ENOX1: variants seen among roughly 807,000 people sequenced by gnomAD.
ENOX1 encodes the protein candidate growth-related and time keeping constitutive hydroquinone (NADH) oxidase.
A neutral mutation model predicts 82.5 loss-of-function variants in ENOX1; 42 were observed. That is an observed-to-expected ratio of 0.51 (90% CI 0.40 to 0.66). ENOX1 has a LOEUF of 0.66. ENOX1 is among the 30% of genes least tolerant of loss of function. ENOX1 has a pLI of 0.00. For synonymous variants in ENOX1, 271 were observed against 282.2 expected (o/e 0.96, Z 0.40); for missense variants, 608 against 811.6 (o/e 0.75, Z 3.05).
chr13:43,501,221 T>C (rs546373212), intron 2 of ENOX1, among the ~76,000 whole-genome samples: 2 of 151,874 alleles, frequency 1.3e-5, no homozygotes, highest in South Asian at 2.1e-4. Flanking sequence ...GTAGCTATTT[T>C]TGAAATATAC....
chr13:43,706,082 T>C (rs143942411), intron 1 of ENOX1, among the ~76,000 whole-genome samples: 198 of 151,988 alleles, frequency 1.3e-3, no homozygotes, highest in African/African-American at 4.1e-3. Flanking sequence ...TAAGTGAAAT[T>C]AGAAAATATT....
intron 3 of ENOX1, among the ~76,000 whole-genome samples, chr13:43,482,633 G>A (rs1186694443): frequency 7.1e-6 from 1 of 140,592 alleles, no homozygotes; most frequent in African/African-American, 2.6e-5. Context: ...TTGTGTGTGT[G>A]TGTTTTAACC....
At position 43,552,706 on chromosome 13, in the gene ENOX1, G is replaced by A. The variant is rs74065523; in HGVS notation, c.-218-68554C>T. Reference sequence around the variant, plus strand: ...TGGTTTTGCCTGGGTCATTAACTGAGGTCCAGGACTGACTACCCAAAAAGA... The same window carrying A: ...TGGTTTTGCCTGGGTCATTAACTGAAGTCCAGGACTGACTACCCAAAAAGA... On this transcript the variant is annotated intron_variant, in intron 2 of 16. Coordinates refer to ENST00000690772, the MANE Select transcript of ENOX1 (RefSeq NM_001347969.2). Among the ~76,000 whole-genome samples the A allele has an allele frequency of 7.4e-3, 1,120 of 152,218 alleles. 12 individuals carry two copies. Among genetic ancestry groups the A allele is most frequent in the African/African-American group, 0.026 (1,065 of 41,520 alleles).
chr13:43,658,896 T>A (rs538149980), intron 2 of ENOX1, among the ~76,000 whole-genome samples: 2 of 152,328 alleles, frequency 1.3e-5, no homozygotes, highest in Non-Finnish European at 1.5e-5. Flanking sequence ...TCATCTGTTG[T>A]TATTCCCTTT....
At chr13:43,574,568 A>G (rs1180258566) in intron 2 of ENOX1, among the ~76,000 whole-genome samples, 1 of 152,224 alleles carries the variant, frequency 6.6e-6, no homozygotes, top group African/African-American at 2.4e-5. Flanking sequence ...TACTGTTTCA[A>G]AAGTTTTTAA....
chr13:43,401,602 CTGTGGCTGCA>C (rs1387882428), intron 5 of ENOX1, among the ~76,000 whole-genome samples: 1 of 152,118 alleles, frequency 6.6e-6, no homozygotes, highest in African/African-American at 2.4e-5. Flanking sequence ...CCCTCAGAGT[CTGTGGCTGCA>C]TGTTGATTAG....
At chr13:43,604,315 T>G (rs888125292) in intron 2 of ENOX1, among the ~76,000 whole-genome samples, 1 of 152,102 alleles carries the variant, frequency 6.6e-6, no homozygotes, top group Non-Finnish European at 1.5e-5. Flanking sequence ...TTGCGAAAAT[T>G]TTCTCCCATT....
chr13:43,530,022 T>C (rs9533519), intron 2 of ENOX1, among the ~76,000 whole-genome samples: 51,506 of 151,944 alleles, frequency 0.34, 10,302 homozygotes, highest in East Asian at 0.81. Flanking sequence ...GTGACTAAAG[T>C]CAGATGACTC....
chr13:43,550,794 G>T (rs866259358), intron 2 of ENOX1, among the ~76,000 whole-genome samples: 1 of 152,166 alleles, frequency 6.6e-6, no homozygotes, highest in Non-Finnish European at 1.5e-5. Flanking sequence ...ACATAGCAAA[G>T]AAGTTGTACT....
At chr13:43,724,598 G>A (rs1389345) in intron 1 of ENOX1, among the ~76,000 whole-genome samples, 151,763 of 152,368 alleles carry the variant, frequency 1, 75,582 homozygotes, top group East Asian at 1. Context: ...AATTAACACC[G>A]AATCCATAAG....
chr13:43,355,478 C>G (rs910214798), intron 8 of ENOX1, among the ~76,000 whole-genome samples: 2 of 152,172 alleles, frequency 1.3e-5, no homozygotes, highest in African/African-American at 4.8e-5. Context: ...CTTTAGGAGT[C>G]TGGTAAACAT....
At chr13:43,229,762 G>A (rs558322069) in intron 15 of ENOX1, among the ~76,000 whole-genome samples, 48 of 152,300 alleles carry the variant, frequency 3.2e-4, no homozygotes, top group Middle Eastern at 3.4e-3. Flanking sequence ...GGAGAGCCAG[G>A]GGGCTGGTGT....
At chr13:43,559,474 G>T (rs2079577684) in intron 2 of ENOX1, among the ~76,000 whole-genome samples, 1 of 152,154 alleles carries the variant, frequency 6.6e-6, no homozygotes. Context: ...AGTCTATGGA[G>T]CCCAATTCCC....
At chr13:43,708,823 G>T (rs1161762818) in intron 1 of ENOX1, among the ~76,000 whole-genome samples, 1 of 152,056 alleles carries the variant, frequency 6.6e-6, no homozygotes, top group Admixed American at 6.6e-5. Context: ...ACATTAGGAT[G>T]GTAAAGATCT....
At chr13:43,230,708 C>T (rs1333584064) in intron 15 of ENOX1, among the ~76,000 whole-genome samples, 3 of 152,084 alleles carry the variant, frequency 2.0e-5, no homozygotes, top group Non-Finnish European at 2.9e-5. Context: ...TATTTAGGAC[C>T]ACTCCCCCTC....
intron 1 of ENOX1, among the ~76,000 whole-genome samples, chr13:43,707,356 A>G (rs192254426): frequency 9.9e-5 from 15 of 152,280 alleles, no homozygotes; most frequent in Admixed American, 4.6e-4. Context: ...TGCCATCCCA[A>G]TGAAAATCAC....
chr13:43,672,538 C>T (rs1254919313), intron 1 of ENOX1, among the ~76,000 whole-genome samples: 2 of 151,990 alleles, frequency 1.3e-5, no homozygotes, highest in African/African-American at 4.8e-5. Context: ...TTTTTAATGT[C>T]TTCTTTAAGA....
chr13:43,577,297 A>G (rs1185746099), intron 2 of ENOX1, among the ~76,000 whole-genome samples: 1 of 152,006 alleles, frequency 6.6e-6, no homozygotes, highest in Non-Finnish European at 1.5e-5. Context: ...ACACCCGACT[A>G]ATTTTTGTAT....
chr13:43,555,872 C>G (rs2079412270), intron 2 of ENOX1, among the ~76,000 whole-genome samples: 1 of 152,186 alleles, frequency 6.6e-6, no homozygotes, highest in African/African-American at 2.4e-5. Flanking sequence ...ATGTATGAAT[C>G]TGCCCACTGC....
Sources: allele counts gnomAD v4.1 joint callset (sites outside exome capture counted in the v4.1 genomes callset), GRCh38; gene constraint gnomAD v4.1.1; transcripts MANE v1.5; gene names NCBI Gene and HGNC (gene_info 2026-07-23, HGNC 2026-07-21).